NSL1: variants seen among roughly 807,000 people sequenced by gnomAD.
The protein encoded by NSL1 is NSL1 component of MIS12 kinetochore complex.
A neutral mutation model predicts 25.4 loss-of-function variants in NSL1; 11 were observed. The ratio of observed to expected loss-of-function variants is 0.43; its 90% CI spans 0.27 to 0.72. The LOEUF is 0.72. Ranked by LOEUF, NSL1 falls within the 30% of genes least tolerant of loss-of-function variation. The pLI is 0.19. For missense variants in NSL1, 330 were observed against 342.7 expected (o/e 0.96, Z 0.29); for synonymous variants, 118 against 120.6 (o/e 0.98, Z 0.14).
Position 212,760,324 on chromosome 1 carries a change from T to A in NSL1, c.500-20723A>T, listed in dbSNP as rs1204629803. ...TCTGCACCACTCTACCACACCAGTG[T>A]CTGAGAGCGCCATCTAGGGGCCCAG... is the stretch of plus-strand genomic sequence containing the variant. On this transcript the variant is annotated intron_variant, in intron 4 of 5. Transcript: ENST00000366977. The surrounding 1 kb of genome is among the most constrained non-coding windows in gnomAD (Gnocchi z 4.3). Among the ~76,000 whole-genome samples, 1 of 152,030 alleles carries A rather than the reference T, an allele frequency of 6.6e-6. No homozygotes were observed. The highest frequency in any genetic ancestry group is 1.5e-5 in the Non-Finnish European group (1 of 67,994).
intron 4 of NSL1, among the ~76,000 whole-genome samples, chr1:212,755,533 G>A (rs1659263708): frequency 6.6e-6 from 1 of 151,608 alleles, no homozygotes; most frequent in Non-Finnish European, 1.5e-5. Flanking sequence ...GTTACATGTT[G>A]AGTGAAAAAA....
At position 212,790,727 on chromosome 1, in the gene NSL1, G is replaced by A. The variant is rs915988386; in HGVS notation, c.234+803C>T. Among the ~76,000 whole-genome samples the A allele has an allele frequency of 3.3e-5, 5 of 151,946 alleles. No individual in the cohort carries two copies. The South Asian group carries it at 6.2e-4, about 19-fold the overall frequency. On this transcript the variant is annotated intron_variant, in intron 1 of 5. Coordinates refer to ENST00000366977, the MANE Select transcript of NSL1 (RefSeq NM_015471.4). ...CACGAGGTCAGGAGATCGAGACCAT[G>A]CTGGCTAACACGGTGAAACCCTGTC...
Position 212,738,028 on chromosome 1 carries a change from T to C in NSL1, c.*380A>G. The C allele has an allele frequency of 1.0e-6, 1 of 977,784 alleles. No homozygotes were observed. The highest frequency in any genetic ancestry group is 1.2e-6 in the Non-Finnish European group (1 of 821,330). The allele number at this position is 977,784 out of a possible 1,614,324, so 60.6% of individuals were successfully genotyped here. On this transcript the variant is annotated 3_prime_UTR_variant, in exon 6 of 6. Transcript: ENST00000366977. ...AATCATTATACAGCTCTCTCTCTTT[T>C]TTTTTTTTTTCCTAGAAAGATGTAT...
At chr1:212,768,319 C>CAAAAAAAAA (rs34528216) in intron 4 of NSL1, among the ~76,000 whole-genome samples, 10 of 68,904 alleles carry the variant, frequency 1.5e-4, no homozygotes, top group African/African-American at 5.1e-4. Flanking sequence ...GACTCCGTCT[C>CAAAAAAAAA]AAAAAAAAAA....
chr1:212,791,479 G>C lies in NSL1; in HGVS notation c.234+51C>G, dbSNP rs748907137. 5 of 1,495,184 alleles carry C rather than the reference G, an allele frequency of 3.3e-6. No homozygotes were observed. The South Asian group carries it at 4.7e-5, about 14-fold the overall frequency. 92.6% of individuals were successfully genotyped at this position (1,495,184 alleles called of 1,614,324 possible). A position where few individuals can be genotyped will look rare whatever the true frequency, so the allele number is the denominator to read the frequency against. ...GATCTTTCTGAATCCTAAGATCCTG[G>C]GTGTTGGGTAAGAGGATGATGAGTA... On this transcript the variant is annotated intron_variant, in intron 1 of 5. Coordinates refer to ENST00000366977, the MANE Select transcript of NSL1 (RefSeq NM_015471.4).
intron 1 of NSL1, among the ~76,000 whole-genome samples, 185 bp downstream of exon 1, chr1:212,791,341 GTAAT>G (rs1228480501): frequency 1.3e-5 from 2 of 152,220 alleles, no homozygotes; most frequent in South Asian, 4.1e-4. Flanking sequence ...GCTGGTCTAA[GTAAT>G]TAATAAGACC....
intron 4 of NSL1, among the ~76,000 whole-genome samples, chr1:212,772,259 C>CA (rs1660155371): frequency 1.3e-5 from 2 of 152,140 alleles, no homozygotes; most frequent in Admixed American, 6.5e-5. Context: ...CCCTTGTGCA[C>CA]AAATCAGAAG....
intron 4 of NSL1, among the ~76,000 whole-genome samples, chr1:212,747,228 G>A (rs767321774): frequency 8.6e-5 from 13 of 152,038 alleles, no homozygotes; most frequent in Admixed American, 6.5e-5. Context: ...AGGTCAGCCT[G>A]CATGACCAGT....
intron 4 of NSL1, among the ~76,000 whole-genome samples, chr1:212,751,321 C>A (rs1243553664): frequency 6.6e-6 from 1 of 152,140 alleles, no homozygotes; most frequent in Non-Finnish European, 1.5e-5. Flanking sequence ...TTTAGCAACC[C>A]TGGGAGGCAA....
intron 4 of NSL1, among the ~76,000 whole-genome samples, chr1:212,750,279 G>T (rs950522371): frequency 3.3e-5 from 5 of 152,078 alleles, no homozygotes; most frequent in African/African-American, 1.2e-4. Flanking sequence ...ATGTAAGAAA[G>T]TTGCCTTAAT....
In NSL1 at chr1:212,727,145, A is replaced by G. The variant is rs2244935; in HGVS notation, c.*11263T>C. The G allele has an allele frequency of 0.9, 1,426,231 of 1,578,990 alleles. 644,508 individuals are homozygous for G. Among genetic ancestry groups the G allele is most frequent in the Admixed American group, 0.95 (53,253 of 55,904 alleles). ...GGTTCCCCGATCCCCTTCTCTCCTAAACTGCCCCTAGAGCTAGTCCACCAG... is the reference window on the plus strand; with the variant it reads ...GGTTCCCCGATCCCCTTCTCTCCTAGACTGCCCCTAGAGCTAGTCCACCAG... On this transcript the variant is annotated 3_prime_UTR_variant, in exon 6 of 6. Transcript: ENST00000366977.
rs1176345763 is a variant in NSL1, at chr1:212,737,149, T to G, written c.*1259A>C. On this transcript the variant is annotated 3_prime_UTR_variant, in exon 6 of 6. Coordinates refer to ENST00000366977, the MANE Select transcript of NSL1 (RefSeq NM_015471.4). Reference sequence around the variant, plus strand: ...GAATGCCTAAGACAACTCATAAAAATACACAGCATCAAGATCAGTCTTTGT... The same window carrying G: ...GAATGCCTAAGACAACTCATAAAAAGACACAGCATCAAGATCAGTCTTTGT... 1.0e-6 allele frequency: 1 copy of G among 985,242 alleles called. No homozygotes were observed. The highest frequency in any genetic ancestry group is 1.7e-5 in the African/African-American group (1 of 57,236). The allele number at this position is 985,242 out of a possible 1,614,324, so 61.0% of individuals were successfully genotyped here. A position where few individuals can be genotyped will look rare whatever the true frequency, so the allele number is the denominator to read the frequency against.
At chr1:212,755,520 T>C (rs1659262844) in intron 4 of NSL1, among the ~76,000 whole-genome samples, 1 of 151,728 alleles carries the variant, frequency 6.6e-6, no homozygotes, top group Non-Finnish European at 1.5e-5. Flanking sequence ...GGAGTTGAAC[T>C]ATGTTACATG....
intron 4 of NSL1, among the ~76,000 whole-genome samples, chr1:212,755,574 G>A (rs536992290): frequency 1.0e-3 from 156 of 150,876 alleles, no homozygotes; most frequent in African/African-American, 3.6e-3. Context: ...AATGCATTAT[G>A]TAATATTTAT....
In NSL1 at chr1:212,736,832, C is replaced by G; in HGVS notation, c.*1576G>C. 1.0e-6 allele frequency: 1 copy of G among 985,408 alleles called. No homozygotes were observed. The highest frequency in any genetic ancestry group is 1.2e-6 in the Non-Finnish European group (1 of 829,904). 61.0% of individuals were successfully genotyped at this position (985,408 alleles called of 1,614,324 possible). A position where few individuals can be genotyped will look rare whatever the true frequency, so the allele number is the denominator to read the frequency against. On this transcript the variant is annotated 3_prime_UTR_variant, in exon 6 of 6. Transcript: ENST00000366977. ...GCTGAATACTTCAGAGCAAATCTAT[C>G]ATGTCATTTAAAAACTCTATGTAGC...
Position 212,735,558 on chromosome 1 carries a change from G to T in NSL1, c.*2850C>A, listed in dbSNP as rs1171047654. On this transcript the variant is annotated 3_prime_UTR_variant, in exon 6 of 6. Coordinates refer to ENST00000366977, the MANE Select transcript of NSL1 (RefSeq NM_015471.4). ...AAGATTTTCTGTGGGCTTGTGTTAT[G>T]GACTCAATGTTTGTGTCCCCCTAAA... 3.1e-5 allele frequency: 31 copies of T among 984,950 alleles called. No homozygotes were observed. The highest frequency in any genetic ancestry group is 3.7e-5 in the Non-Finnish European group (31 of 829,632). 61.0% of individuals were successfully genotyped at this position (984,950 alleles called of 1,614,324 possible).
intron 4 of NSL1, among the ~76,000 whole-genome samples, chr1:212,757,502 A>G (rs1202468169): frequency 1.3e-5 from 2 of 152,198 alleles, no homozygotes; most frequent in Non-Finnish European, 2.9e-5. Context: ...GGCAGGCTGT[A>G]CAAGCATAGC....
chr1:212,775,686 CAGAGGCA>C (rs1226810443), intron 4 of NSL1, among the ~76,000 whole-genome samples: 2 of 151,430 alleles, frequency 1.3e-5, no homozygotes, highest in Non-Finnish European at 2.9e-5. Flanking sequence ...AAAGTATCTA[CAGAGGCA>C]CTTCAGCAAG....
intron 4 of NSL1, among the ~76,000 whole-genome samples, chr1:212,770,460 T>C (rs1458081384): frequency 6.6e-6 from 1 of 151,878 alleles, no homozygotes; most frequent in Non-Finnish European, 1.5e-5. Flanking sequence ...CCTACGTTGA[T>C]TGAACCAGGA....
Sources: allele counts gnomAD v4.1 joint callset (sites outside exome capture counted in the v4.1 genomes callset), GRCh38; gene constraint gnomAD v4.1.1; non-coding constraint Gnocchi (gnomAD v3.1); transcripts MANE v1.5; gene names NCBI Gene and HGNC (gene_info 2026-07-23, HGNC 2026-07-21).